The following KCNQ1 variants were observed in gnomAD, a reference collection of about 807,000 sequenced individuals.
The protein encoded by KCNQ1 is potassium voltage-gated channel subfamily KQT member 1.
In KCNQ1, 49 loss-of-function variants were observed where a neutral mutation model predicts 72.4. The observed-to-expected ratio is 0.68, with a 90% confidence interval of 0.54 to 0.86. The LOEUF (loss-of-function observed/expected upper bound fraction) is 0.86, where lower values mean the gene tolerates loss of function less well. Among genes scored for constraint, KCNQ1 ranks in the 40% least tolerant of loss-of-function variants. The probability of loss-of-function intolerance (pLI) is 0.00; values close to 1 mark genes in which losing one functional copy is unlikely to be tolerated. For synonymous variants in KCNQ1, 450 were observed against 412.6 expected (o/e 1.09, Z -1.10); for missense variants, 790 against 945.1 (o/e 0.84, Z 2.15).
At position 2,498,527 on chromosome 11, in the gene KCNQ1, C is replaced by A. The variant is rs1007111213; in HGVS notation, c.387-29401C>A. ...CTAAAGCCTCAGTAATACCAAATGC[C>A]CCTCCCGCCACCAAGCTTGAGCATC... On this transcript the variant is annotated intron_variant, in intron 1 of 15. Coordinates refer to ENST00000155840, the MANE Select transcript of KCNQ1 (RefSeq NM_000218.3). The surrounding 1 kb of genome is among the most constrained non-coding windows in gnomAD (Gnocchi z 4.8). Among the ~76,000 whole-genome samples, 5 of 152,134 alleles carry A rather than the reference C, an allele frequency of 3.3e-5. No individual in the cohort carries two copies. The highest frequency in any genetic ancestry group is 1.2e-4 in the African/African-American group (5 of 41,452).
intron 2 of KCNQ1, among the ~76,000 whole-genome samples, chr11:2,558,606 G>C (rs968615949): frequency 2.0e-5 from 3 of 152,200 alleles, no homozygotes; most frequent in Non-Finnish European, 2.9e-5. Flanking sequence ...ACACCCAGGT[G>C]GGGGAGGAAG....
chr11:2,590,312 T>C (rs2133763329), intron 10 of KCNQ1, among the ~76,000 whole-genome samples: 1 of 152,328 alleles, frequency 6.6e-6, no homozygotes, highest in South Asian at 2.1e-4. Flanking sequence ...TAGTAGTGAC[T>C]GTGTTCTGAT....
At chr11:2,534,560 C>T (rs981962367) in intron 2 of KCNQ1, among the ~76,000 whole-genome samples, 1 of 152,232 alleles carries the variant, frequency 6.6e-6, no homozygotes, top group Non-Finnish European at 1.5e-5. Flanking sequence ...GAAGCCCCGT[C>T]CTGCACACTT....
rs529476628 is a variant in KCNQ1, at chr11:2,688,162, C to G, written c.1514+26081C>G. 18 of 398,678 alleles carry G rather than the reference C, an allele frequency of 4.5e-5. No homozygotes were observed. The Admixed American group carries it at 5.7e-4, about 13-fold the overall frequency. 24.7% of individuals were successfully genotyped at this position (398,678 alleles called of 1,614,324 possible). A position where few individuals can be genotyped will look rare whatever the true frequency, so the allele number is the denominator to read the frequency against. On this transcript the variant is annotated intron_variant, in intron 11 of 15. Coordinates refer to ENST00000155840, the MANE Select transcript of KCNQ1 (RefSeq NM_000218.3). ...GAGAGACCCCACGCAGCTCCCTAGG[C>G]CTCTGCAGACAGCTCCCAAGCAAGG...
chr11:2,655,087 T>TA (rs891098669), intron 10 of KCNQ1: 16 of 398,434 alleles, frequency 4.0e-5, no homozygotes, highest in Non-Finnish European at 6.6e-5. Context: ...CCTGTATTTT[T>TA]AAAAAAATAA....
rs1430695735 is a variant in KCNQ1, at chr11:2,674,624, G to A, written c.1514+12543G>A. The A allele has an allele frequency of 7.5e-6, 3 of 398,472 alleles. No individual in the cohort carries two copies. Among genetic ancestry groups the A allele is most frequent in the East Asian group, 3.6e-5 (1 of 28,074 alleles). The allele number at this position is 398,472 out of a possible 1,614,324, so 24.7% of individuals were successfully genotyped here. ...GGCTCTGGCTTAAAACAGTCACAGC[G>A]AAACATGCCTTTGAATTGGAAAGCC... On this transcript the variant is annotated intron_variant, in intron 11 of 15. Coordinates refer to ENST00000155840, the MANE Select transcript of KCNQ1 (RefSeq NM_000218.3). This position sits in a 1 kb window ranked among gnomAD's most constrained non-coding sequence, Gnocchi z 5.9.
chr11:2,716,573 G>C (rs1453758089), intron 11 of KCNQ1, among the ~76,000 whole-genome samples: 1 of 152,228 alleles, frequency 6.6e-6, no homozygotes, highest in African/African-American at 2.4e-5. Flanking sequence ...AGCGGTGTTA[G>C]GACACGCAGC....
rs774085613 is a variant in KCNQ1, at chr11:2,570,651, C to T, written c.501C>T (p.Phe167=). ...FWMEIVLVVF[F]GTEYVVRLWS... ...AGGAGATCGTGCTGGTGGTGTTCTT[C>T]GGGACGGAGTACGTGGTCCGCCTCT... Residue 167 remains phenylalanine, a synonymous_variant, in exon 3 of 16, where the codon TTC becomes TTT. Transcript: ENST00000155840. 4.2e-5 allele frequency: 67 copies of T among 1,612,562 alleles called. No individual in the cohort carries two copies. The East Asian group carries it at 9.1e-4, about 22-fold the overall frequency.
In KCNQ1 at chr11:2,690,903, C is replaced by G; in HGVS notation, c.1514+28822C>G. 2.5e-6 allele frequency: 1 copy of G among 398,592 alleles called. No homozygotes were observed. The highest frequency in any genetic ancestry group is 4.4e-6 in the Non-Finnish European group (1 of 226,070). The allele number at this position is 398,592 out of a possible 1,614,324, so 24.7% of individuals were successfully genotyped here. ...GCCACTGTTTCCGTCTGGGTTTTGT[C>G]ATGTGTAGGTCCCAGCGGCTTTAAG... On this transcript the variant is annotated intron_variant, in intron 11 of 15. Transcript: ENST00000155840. The surrounding 1 kb of genome is among the most constrained non-coding windows in gnomAD (Gnocchi z 5.1).
intron 1 of KCNQ1, among the ~76,000 whole-genome samples, chr11:2,518,154 C>T (rs909245102): frequency 6.6e-6 from 1 of 152,266 alleles, no homozygotes; most frequent in African/African-American, 2.4e-5. Flanking sequence ...GGAGGGAATG[C>T]AGCTGGTGGG....
At chr11:2,733,814 A>ACTCACACACTCTCT (rs1845899095) in intron 11 of KCNQ1, among the ~76,000 whole-genome samples, 4 of 86,660 alleles carry the variant, frequency 4.6e-5, no homozygotes, top group African/African-American at 1.7e-4. Context: ...ACACACACAC[A>ACTCACACACTCTCT]CTCTCTCACT....
chr11:2,815,405 G>A lies in KCNQ1; in HGVS notation c.1795-32362G>A, dbSNP rs1847594209. ...CTGGGTTCTAAGAAGCTATGCTGAGGCCCACAGGGTAGTTCTGAGTTCGGG... is the reference window on the plus strand; with the variant it reads ...CTGGGTTCTAAGAAGCTATGCTGAGACCCACAGGGTAGTTCTGAGTTCGGG... On this transcript the variant is annotated intron_variant, in intron 15 of 15. Coordinates refer to ENST00000155840, the MANE Select transcript of KCNQ1 (RefSeq NM_000218.3). This position sits in a 1 kb window ranked among gnomAD's most constrained non-coding sequence, Gnocchi z 5.4. 6.6e-6 allele frequency among the ~76,000 whole-genome samples: 1 copy of A among 152,114 alleles called. No homozygotes were observed. Among genetic ancestry groups the A allele is most frequent in the African/African-American group, 2.4e-5 (1 of 41,414 alleles).
At position 2,664,509 on chromosome 11, in the gene KCNQ1, CCT is replaced by C. The variant is rs1403607875; in HGVS notation, c.1514+2429_1514+2430del. On this transcript the variant is annotated intron_variant, in intron 11 of 15. Coordinates refer to ENST00000155840, the MANE Select transcript of KCNQ1 (RefSeq NM_000218.3). This position sits in a 1 kb window ranked among gnomAD's most constrained non-coding sequence, Gnocchi z 5.1. The stretch of plus-strand genomic sequence containing the variant: ...GGAGAAGGCTGGCAGCAGTGGGCAC[CCT>C]GTTTCCTCAGGGCCCAAACCGCCTG... The C allele has an allele frequency of 1.8e-5, 7 of 398,632 alleles. No individual in the cohort carries two copies. The highest frequency in any genetic ancestry group is 4.4e-5 in the Admixed American group (1 of 22,716). The allele number at this position is 398,632 out of a possible 1,614,324, so 24.7% of individuals were successfully genotyped here. A position where few individuals can be genotyped will look rare whatever the true frequency, so the allele number is the denominator to read the frequency against.
At position 2,492,172 on chromosome 11, in the gene KCNQ1, C is replaced by G. The variant is rs1846846218; in HGVS notation, c.387-35756C>G. ...CACTGGTAATACATACACAGAAATA[C>G]AAATAGTATTATAACACTGTAATTA... On this transcript the variant is annotated intron_variant, in intron 1 of 15. Coordinates refer to ENST00000155840, the MANE Select transcript of KCNQ1 (RefSeq NM_000218.3). This position sits in a 1 kb window ranked among gnomAD's most constrained non-coding sequence, Gnocchi z 4.1. 6.6e-6 allele frequency among the ~76,000 whole-genome samples: 1 copy of G among 152,050 alleles called. No homozygotes were observed. The highest frequency in any genetic ancestry group is 1.5e-5 in the Non-Finnish European group (1 of 68,006).
At position 2,661,755 on chromosome 11, in the gene KCNQ1, C is replaced by T; in HGVS notation, c.1394-206C>T. The T allele has an allele frequency of 3.1e-6, 2 of 641,712 alleles. No individual in the cohort carries two copies. Among genetic ancestry groups the T allele is most frequent in the Non-Finnish European group, 5.6e-6 (2 of 357,228 alleles). The allele number at this position is 641,712 out of a possible 1,614,324, so 39.8% of individuals were successfully genotyped here. Reference sequence around the variant, plus strand: ...AGATGATTCACTGGCCTTTATTCTCCTCAGACACTGAGGTGTCAGGCACTT... The same window carrying T: ...AGATGATTCACTGGCCTTTATTCTCTTCAGACACTGAGGTGTCAGGCACTT... On this transcript the variant is annotated intron_variant, in intron 10 of 15. Transcript: ENST00000155840. The surrounding 1 kb of genome is among the most constrained non-coding windows in gnomAD (Gnocchi z 5.9).
At position 2,768,556 on chromosome 11, in the gene KCNQ1, C is replaced by T. The variant is rs751334791; in HGVS notation, c.1515-288C>T. ...GTCAGCAGCATAGCCATGGCCAACT[C>T]AGGGCCCTGACTCCTACCTGACCCC... On this transcript the variant is annotated intron_variant, in intron 11 of 15. Transcript: ENST00000155840. The surrounding 1 kb of genome is among the most constrained non-coding windows in gnomAD (Gnocchi z 6.7). Among the ~76,000 whole-genome samples, 2 of 152,174 alleles carry T rather than the reference C, an allele frequency of 1.3e-5. No individual in the cohort carries two copies. The highest frequency in any genetic ancestry group is 1.3e-4 in the Admixed American group (2 of 15,286).
intron 11 of KCNQ1, chr11:2,666,106 G>T: frequency 2.5e-6 from 1 of 398,652 alleles, no homozygotes; most frequent in South Asian, 1.3e-4. Context: ...CCAGTCATGT[G>T]GTTTCTCTGA....
At position 2,704,838 on chromosome 11, in the gene KCNQ1, A is replaced by G. The variant is rs920745219; in HGVS notation, c.1514+42757A>G. On this transcript the variant is annotated intron_variant, in intron 11 of 15. Coordinates refer to ENST00000155840, the MANE Select transcript of KCNQ1 (RefSeq NM_000218.3). This position sits in a 1 kb window ranked among gnomAD's most constrained non-coding sequence, Gnocchi z 4.3. Reference sequence around the variant, plus strand: ...ACAGGGGTAGCAGCCTAGTGCATGTATGACCACGAGCGAGCCCAAGGGAAG... The same window carrying G: ...ACAGGGGTAGCAGCCTAGTGCATGTGTGACCACGAGCGAGCCCAAGGGAAG... Among the ~76,000 whole-genome samples the G allele has an allele frequency of 3.3e-5, 5 of 152,150 alleles. No homozygotes were observed. Among genetic ancestry groups the G allele is most frequent in the African/African-American group, 1.2e-4 (5 of 41,426 alleles).
In KCNQ1 at chr11:2,569,316, C is replaced by T. The variant is rs75127243; in HGVS notation, c.478-1312C>T. Among the ~76,000 whole-genome samples the T allele has an allele frequency of 4.9e-4, 75 of 152,346 alleles. 1 individual carries two copies. In the East Asian group the frequency reaches 7.9e-3, roughly 16 times the overall value. ...AAAAGGAAAGCAACTAAGCTCCCAG[C>T]GTGTCTCCCCTTATCCATTGGGCTT... On this transcript the variant is annotated intron_variant, in intron 2 of 15. Transcript: ENST00000155840.
Sources: allele counts gnomAD v4.1 joint callset (sites outside exome capture counted in the v4.1 genomes callset), GRCh38; gene constraint gnomAD v4.1.1; non-coding constraint Gnocchi (gnomAD v3.1); transcripts MANE v1.5; gene names NCBI Gene and HGNC (gene_info 2026-07-23, HGNC 2026-07-21).